USP46: variants seen among roughly 807,000 people sequenced by gnomAD.
The protein encoded by USP46 is ubiquitin specific peptidase 46.
Under a neutral mutation model 44.4 loss-of-function variants are expected in USP46, and 12 were observed. The ratio of observed to expected loss-of-function variants is 0.27; its 90% confidence interval spans 0.17 to 0.44. USP46 has a LOEUF of 0.44. Ranked by LOEUF, USP46 falls within the 20% of genes least tolerant of loss-of-function variation. The pLI, the probability that USP46 is intolerant of heterozygous loss-of-function variation, is 1.00. For missense variants in USP46, 248 were observed against 444.8 expected (o/e 0.56, Z 3.98); for synonymous variants, 155 against 161.5 (o/e 0.96, Z 0.31).
chr4:52,632,990 A>AAAAGAAAAAGAAAGAAAG (rs1717961084), intron 1 of USP46, among the ~76,000 whole-genome samples: 3 of 66,288 alleles, frequency 4.5e-5, no homozygotes, highest in Non-Finnish European at 9.1e-5. Context: ...GAAAGAAAAG[A>AAAAGAAAAAGAAAGAAAG]AAAGAAAGAA....
intron 7 of USP46, among the ~76,000 whole-genome samples, chr4:52,601,590 T>G (rs1293945481): frequency 6.6e-6 from 1 of 152,260 alleles, no homozygotes; most frequent in African/African-American, 2.4e-5. Context: ...TTATTTCAAA[T>G]TCTTCATAAC....
chr4:52,614,419 C>T (rs984437899), intron 4 of USP46, among the ~76,000 whole-genome samples: 6 of 152,178 alleles, frequency 3.9e-5, no homozygotes, highest in African/African-American at 1.4e-4. Flanking sequence ...AAATCTGAAA[C>T]ATCTACCAAA....
At chr4:52,608,832 G>C (rs1716804277) in intron 5 of USP46, among the ~76,000 whole-genome samples, 1 of 152,176 alleles carries the variant, frequency 6.6e-6, no homozygotes, top group Non-Finnish European at 1.5e-5. Context: ...AATTTAAAAT[G>C]AGAGGAAGAC....
At chr4:52,634,834 C>G (rs1026710784) in intron 1 of USP46, among the ~76,000 whole-genome samples, 13 of 152,234 alleles carry the variant, frequency 8.5e-5, no homozygotes, top group Non-Finnish European at 1.6e-4. Context: ...TACTACAACT[C>G]TTGGTATCAT....
chr4:52,626,848 TA>T (rs1230745007), intron 3 of USP46, among the ~76,000 whole-genome samples: 1 of 152,190 alleles, frequency 6.6e-6, no homozygotes, highest in South Asian at 2.1e-4. Flanking sequence ...AGTTATCAGA[TA>T]AGTTCCCTGA....
In USP46 at chr4:52,595,882, T is replaced by G. The variant is rs1044876782; in HGVS notation, c.*1758A>C. ...CTTAAAAAGAGATCAAAACTCACCT[T>G]CCAGGTAGTGATTACTGCGTAAGTT... On this transcript the variant is annotated 3_prime_UTR_variant, in exon 9 of 9. Coordinates refer to ENST00000441222, the MANE Select transcript of USP46 (RefSeq NM_022832.4). 1 of 152,536 alleles carries G rather than the reference T, an allele frequency of 6.6e-6. No individual in the cohort carries two copies. Among genetic ancestry groups the G allele is most frequent in the African/African-American group, 2.4e-5 (1 of 41,448 alleles). The allele number at this position is 152,536 out of a possible 1,614,324, so 9.4% of individuals were successfully genotyped here. A position where few individuals can be genotyped will look rare whatever the true frequency, so the allele number is the denominator to read the frequency against.
At chr4:52,626,390 T>A in intron 3 of USP46, 143 bp from the exon 4 acceptor site, 1 of 690,900 alleles carries the variant, frequency 1.4e-6, no homozygotes, top group Non-Finnish European at 2.4e-6. Flanking sequence ...TGGCATGATC[T>A]CAGTTCACTG....
intron 1 of USP46, among the ~76,000 whole-genome samples, chr4:52,632,047 AGGGAAG>A (rs1283743142): frequency 6.7e-6 from 1 of 149,328 alleles, no homozygotes; most frequent in Non-Finnish European, 1.5e-5. Context: ...GGAAGGGGAA[AGGGAAG>A]GGGAAGAAGG....
Position 52,659,208 on chromosome 4 carries a change from G to A in USP46, c.-58C>T, listed in dbSNP as rs533608665. 9 of 1,466,418 alleles carry A rather than the reference G, an allele frequency of 6.1e-6. No individual in the cohort carries two copies. The African/African-American group carries it at 1.0e-4, about 17-fold the overall frequency. The allele number at this position is 1,466,418 out of a possible 1,614,324, so 90.8% of individuals were successfully genotyped here. On this transcript the variant is annotated 5_prime_UTR_variant, in exon 1 of 9. Coordinates refer to ENST00000441222, the MANE Select transcript of USP46 (RefSeq NM_022832.4). The surrounding 1 kb of genome is among the most constrained non-coding windows in gnomAD (Gnocchi z 4.2). Reference sequence around the variant, plus strand: ...ATCTTTACAAGGGGAAACCGGGACTGCCCATGGTGGCGCGCTGGCGGGGAG... The same window carrying A: ...ATCTTTACAAGGGGAAACCGGGACTACCCATGGTGGCGCGCTGGCGGGGAG...
At chr4:52,646,365 G>C (rs1198675299) in intron 1 of USP46, among the ~76,000 whole-genome samples, 1 of 152,150 alleles carries the variant, frequency 6.6e-6, no homozygotes, top group African/African-American at 2.4e-5. Flanking sequence ...GAAATGTGCT[G>C]ATTATGAAAT....
At chr4:52,618,513 C>G (rs1335048817) in intron 4 of USP46, among the ~76,000 whole-genome samples, 1 of 151,254 alleles carries the variant, frequency 6.6e-6, no homozygotes, top group Non-Finnish European at 1.5e-5. Flanking sequence ...ATTGAATAGC[C>G]AGGCATGGTG....
Position 52,659,257 on chromosome 4 carries a change from G to C in USP46, c.-107C>G, listed in dbSNP as rs1719083830. The stretch of plus-strand genomic sequence containing the variant: ...AGGCCGGGCGGCAGCGCGGCGGCCT[G>C]GGGTCCGGCTTTCAGTTTGGCTGGG... On this transcript the variant is annotated 5_prime_UTR_variant, in exon 1 of 9. Coordinates refer to ENST00000441222, the MANE Select transcript of USP46 (RefSeq NM_022832.4). This position sits in a 1 kb window ranked among gnomAD's most constrained non-coding sequence, Gnocchi z 4.2. 1.5e-6 allele frequency: 2 copies of C among 1,339,182 alleles called. No individual in the cohort carries two copies. The highest frequency in any genetic ancestry group is 2.0e-6 in the Non-Finnish European group (2 of 1,009,280). 83.0% of individuals were successfully genotyped at this position (1,339,182 alleles called of 1,614,324 possible). A position where few individuals can be genotyped will look rare whatever the true frequency, so the allele number is the denominator to read the frequency against.
At chr4:52,630,158 G>A (rs915883139) in intron 2 of USP46, among the ~76,000 whole-genome samples, 15 of 152,164 alleles carry the variant, frequency 9.9e-5, no homozygotes, top group African/African-American at 3.1e-4. Context: ...AGGGCACACC[G>A]CCTCTACCGT....
At chr4:52,625,292 G>C (rs138884889) in intron 4 of USP46, among the ~76,000 whole-genome samples, 212 of 152,084 alleles carry the variant, frequency 1.4e-3, no homozygotes, top group Admixed American at 2.6e-3. Flanking sequence ...TGAGGACAGA[G>C]AAGATTAATA....
At chr4:52,620,411 T>C (rs1031821889) in intron 4 of USP46, among the ~76,000 whole-genome samples, 1 of 152,242 alleles carries the variant, frequency 6.6e-6, no homozygotes, top group Non-Finnish European at 1.5e-5. Context: ...GTTCTTCTTC[T>C]TCACGGCATC....
intron 1 of USP46, among the ~76,000 whole-genome samples, chr4:52,634,246 C>T (rs1251359576): frequency 2.6e-5 from 4 of 151,252 alleles, no homozygotes; most frequent in Admixed American, 6.6e-5. Flanking sequence ...TGGTGGCTCA[C>T]GCCTGTAATC....
At position 52,626,186 on chromosome 4, in the gene USP46, A is replaced by G. The variant is rs748059281; in HGVS notation, c.393T>C (p.Thr131=). 1 of 1,613,806 alleles carries G rather than the reference A, an allele frequency of 6.2e-7. No individual in the cohort carries two copies. The highest frequency in any genetic ancestry group is 1.1e-5 in the South Asian group (1 of 91,064). ...AHEFLNYLLN[T]IADILQEEKK... is the part of the protein sequence containing the mutation. Reference sequence around the variant, plus strand: ...TCTCCTCCTGAAGGATGTCCGCAATAGTGTTTAGCAAATAATTTAAAAATT... The same window carrying G: ...TCTCCTCCTGAAGGATGTCCGCAATGGTGTTTAGCAAATAATTTAAAAATT... The change falls in exon 4 of 9, where the codon ACT becomes ACC. Residue 131 remains threonine, a synonymous_variant. Transcript: ENST00000441222.
At chr4:52,642,803 A>C (rs1718395942) in intron 1 of USP46, among the ~76,000 whole-genome samples, 1 of 152,232 alleles carries the variant, frequency 6.6e-6, no homozygotes, top group Non-Finnish European at 1.5e-5. Flanking sequence ...CTAAAAGAGA[A>C]AACCGTACCA....
intron 1 of USP46, among the ~76,000 whole-genome samples, chr4:52,649,841 TG>T (rs567235825): frequency 7.2e-5 from 11 of 152,338 alleles, no homozygotes; most frequent in African/African-American, 1.9e-4. Context: ...CAGTCTAACA[TG>T]GTGGTTTATC....
Sources: gnomAD v4.1 joint callset for allele counts (sites outside exome capture counted in the v4.1 genomes callset) on GRCh38, gnomAD v4.1.1 for gene constraint, Gnocchi (gnomAD v3.1) non-coding constraint, MANE v1.5 for transcripts, NCBI Gene and HGNC (gene_info 2026-07-23, HGNC 2026-07-21) for gene names.